The following CUBN variants were observed in gnomAD, a reference collection of about 807,000 sequenced individuals.
The protein encoded by CUBN is cubilin.
A neutral mutation model predicts 405.3 loss-of-function variants in CUBN; 282 were observed. That is an observed-to-expected ratio of 0.70 (90% confidence interval 0.63 to 0.77). The LOEUF is 0.77. CUBN is among the 30% of genes least tolerant of loss of function. The pLI is 0.00. For synonymous variants in CUBN, 1,684 were observed against 1,617.0 expected, an observed-to-expected ratio of 1.04 and a Z score of -0.99; for missense variants, 4,514 against 4,475.2, an observed-to-expected ratio of 1.01 and a Z score of -0.25.
At position 17,017,235 on chromosome 10, in the gene CUBN, C is replaced by T. The variant is rs529394758; in HGVS notation, c.4168+2598G>A. On this transcript the variant is annotated intron_variant, in intron 28 of 66. Coordinates refer to ENST00000377833, the MANE Select transcript of CUBN (RefSeq NM_001081.4). The stretch of plus-strand genomic sequence containing the variant: ...TGATCAGAATAGTTGCACTCACCAA[C>T]GCAGCAGCAGAAACACTAGTTTTCC... Among the ~76,000 whole-genome samples, 26 of 152,276 alleles carry T rather than the reference C, an allele frequency of 1.7e-4. No individual in the cohort carries two copies. In the East Asian group the frequency reaches 4.4e-3, roughly 26 times the overall value.
chr10:16,825,425 A>C (rs1838746711), intron 66 of CUBN, among the ~76,000 whole-genome samples: 1 of 152,098 alleles, frequency 6.6e-6, no homozygotes, highest in Non-Finnish European at 1.5e-5. Flanking sequence ...TAAGGAGATG[A>C]ATTGGATGGT....
chr10:16,877,097 G>C lies in CUBN; in HGVS notation c.8906C>G (p.Ala2969Gly), dbSNP rs775243486. The change falls in exon 57 of 67, where the codon GCT becomes GGT. Residue 2969 changes from alanine (A) to glycine (G), a missense_variant and splice_region_variant. Physicochemically the swap from Ala to Gly is moderately conservative, Grantham distance 60. Transcript: ENST00000377833. The part of the protein sequence containing the change: ...LLTFVSFHLE[A>G]RSAVTGSCVN... ...ACAGCTTCCCGTCACAGCGGAACGA[G>C]CTGGAAAAGGCATGGAACAACCGCA... 3.7e-6 allele frequency: 6 copies of C among 1,612,570 alleles called. No homozygotes were observed. The highest frequency in any genetic ancestry group is 5.1e-6 in the Non-Finnish European group (6 of 1,179,296).
At chr10:17,050,931 A>C (rs1368511698) in intron 22 of CUBN, among the ~76,000 whole-genome samples, 1 of 152,212 alleles carries the variant, frequency 6.6e-6, no homozygotes, top group Non-Finnish European at 1.5e-5. Flanking sequence ...ATATCAAACT[A>C]GCTTCAGAGG....
chr10:17,028,378 C>T (rs1834718774), intron 27 of CUBN, among the ~76,000 whole-genome samples: 1 of 151,956 alleles, frequency 6.6e-6, no homozygotes, highest in Non-Finnish European at 1.5e-5. Context: ...AGAGGACTGC[C>T]ATCCGGGCTC....
At chr10:16,864,654 TTTC>T (rs575290563) in intron 59 of CUBN, among the ~76,000 whole-genome samples, 4,303 of 133,250 alleles carry the variant, frequency 0.032, 412 homozygotes, top group Admixed American at 0.2. Context: ...TCTTTTTTTC[TTTC>T]TTTTTTTTTT....
In CUBN at chr10:16,888,584, G is replaced by T. The variant is rs1035083903; in HGVS notation, c.8756-18C>A. On this transcript the variant is annotated intron_variant, in intron 55 of 66. Transcript: ENST00000377833. ...TCCACATCCTATGTGGGAACAAAAA[G>T]TCATCATCAGATCATTTATTTCTCG... 3 of 1,609,554 alleles carry T rather than the reference G, an allele frequency of 1.9e-6. No individual in the cohort carries two copies. The highest frequency in any genetic ancestry group is 1.7e-4 in the Middle Eastern group (1 of 6,052).
intron 54 of CUBN, among the ~76,000 whole-genome samples, chr10:16,896,930 C>A (rs2131412491): frequency 6.6e-6 from 1 of 152,304 alleles, no homozygotes; most frequent in South Asian, 2.1e-4. Flanking sequence ...TATTCTCTGT[C>A]ATCTCCATGC....
At chr10:16,929,728 A>G (rs1033557559) in intron 40 of CUBN, among the ~76,000 whole-genome samples, 1 of 152,140 alleles carries the variant, frequency 6.6e-6, no homozygotes, top group Non-Finnish European at 1.5e-5. Context: ...AGTGCACTTC[A>G]TTATGCTATT....
chr10:16,878,387 A>G (rs796501196), intron 56 of CUBN, among the ~76,000 whole-genome samples: 3 of 152,330 alleles, frequency 2.0e-5, no homozygotes, highest in African/African-American at 7.2e-5. Context: ...AAATTCCAAC[A>G]TATAGATGTG....
At chr10:16,898,879 C>T (rs968834291) in intron 54 of CUBN, 117 bp downstream of exon 54, 8 of 775,242 alleles carry the variant, frequency 1.0e-5, no homozygotes, top group South Asian at 7.2e-5. Context: ...CACTTTTCAT[C>T]CAAGGAATCC....
chr10:17,088,713 C>T (rs1269840143), intron 14 of CUBN, among the ~76,000 whole-genome samples: 1 of 152,192 alleles, frequency 6.6e-6, no homozygotes, highest in Non-Finnish European at 1.5e-5. Context: ...GAACTTCTGC[C>T]AACCTCTGTG....
At chr10:16,968,737 TGTCA>T (rs1487789591) in intron 31 of CUBN, among the ~76,000 whole-genome samples, 7 of 152,354 alleles carry the variant, frequency 4.6e-5, no homozygotes, top group African/African-American at 1.7e-4. Context: ...GCAATTTAAC[TGTCA>T]GTCAGAGGTC....
At chr10:16,874,189 C>T (rs1014171307) in intron 58 of CUBN, among the ~76,000 whole-genome samples, 185 bp downstream of exon 58, 3 of 152,096 alleles carry the variant, frequency 2.0e-5, no homozygotes, top group Non-Finnish European at 2.9e-5. Context: ...TAGTTACTAC[C>T]GGCTTGTGTG....
intron 59 of CUBN, among the ~76,000 whole-genome samples, chr10:16,867,000 T>G (rs565731184): frequency 1.3e-5 from 2 of 152,330 alleles, no homozygotes; most frequent in South Asian, 4.1e-4. Context: ...AGCCAATCTC[T>G]TCATCCTGAA....
chr10:16,873,372 A>T (rs1840413374), intron 58 of CUBN, among the ~76,000 whole-genome samples: 1 of 152,318 alleles, frequency 6.6e-6, no homozygotes, highest in South Asian at 2.1e-4. Context: ...TCATAGCATC[A>T]GTTTAGAGGT....
At chr10:17,034,819 T>C (rs11254337) in intron 27 of CUBN, among the ~76,000 whole-genome samples, 94,306 of 152,066 alleles carry the variant, frequency 0.62, 34,773 homozygotes, top group Non-Finnish European at 0.83. Context: ...TCTGGACACC[T>C]ATGAGATGTC....
At chr10:17,040,049 AT>A (rs1302259751) in intron 27 of CUBN, among the ~76,000 whole-genome samples, 2 of 152,152 alleles carry the variant, frequency 1.3e-5, no homozygotes, top group Non-Finnish European at 2.9e-5. Flanking sequence ...AATTAAGAAC[AT>A]TTTACAAGAA....
intron 66 of CUBN, among the ~76,000 whole-genome samples, chr10:16,826,201 T>C (rs941982828): frequency 2.6e-5 from 4 of 152,198 alleles, no homozygotes; most frequent in Non-Finnish European, 4.4e-5. Flanking sequence ...AAATCAGGGT[T>C]TGTGTTTATA....
chr10:17,027,126 A>G (rs1429726733), intron 27 of CUBN, among the ~76,000 whole-genome samples: 4 of 152,188 alleles, frequency 2.6e-5, no homozygotes, highest in Admixed American at 6.5e-5. Flanking sequence ...TCTGCTTTCT[A>G]TATATTACTC....
Sources: gnomAD v4.1 joint callset for allele counts (sites outside exome capture counted in the v4.1 genomes callset) on GRCh38, gnomAD v4.1.1 for gene constraint, MANE v1.5 for transcripts, NCBI Gene and HGNC (gene_info 2026-07-23, HGNC 2026-07-21) for gene names.